The following CPLX4 variants were observed in gnomAD, a reference collection of about 807,000 sequenced individuals.
The protein encoded by CPLX4 is complexin-4.
A neutral mutation model predicts 16.1 loss-of-function variants in CPLX4; 17 were observed. The observed-to-expected ratio is 1.06, with a 90% confidence interval of 0.72 to 1.59. The LOEUF (loss-of-function observed/expected upper bound fraction) is 1.59. Ranked by LOEUF, CPLX4 falls within the 40% of genes most tolerant of loss-of-function variation. CPLX4 has a pLI of 0.00. For missense variants in CPLX4, 193 were observed against 192.9 expected (o/e 1.00, Z 0.00); for synonymous variants, 55 against 57.8 (o/e 0.95, Z 0.22).
intron 2 of CPLX4, among the ~76,000 whole-genome samples, chr18:59,306,386 T>C (rs1375545147): frequency 2.6e-5 from 4 of 152,238 alleles, no homozygotes; most frequent in South Asian, 2.1e-4. Context: ...TAGATACATA[T>C]ACATATACAT....
At chr18:59,312,422 C>T (rs974360720) in intron 2 of CPLX4, among the ~76,000 whole-genome samples, 4 of 138,858 alleles carry the variant, frequency 2.9e-5, no homozygotes, top group Non-Finnish European at 6.2e-5. Flanking sequence ...TATATATATC[C>T]TGAATATGTG....
intron 2 of CPLX4, among the ~76,000 whole-genome samples, chr18:59,311,666 T>C (rs1211943829): frequency 6.6e-6 from 1 of 152,150 alleles, no homozygotes; most frequent in Non-Finnish European, 1.5e-5. Flanking sequence ...TGAAATTGAA[T>C]AACCAGCTCA....
At chr18:59,309,351 A>C (rs769256192) in intron 2 of CPLX4, among the ~76,000 whole-genome samples, 1 of 152,238 alleles carries the variant, frequency 6.6e-6, no homozygotes, top group Non-Finnish European at 1.5e-5. Context: ...TGGTGTGTAC[A>C]ATGTTCTCAA....
chr18:59,303,664 G>C lies in CPLX4; in HGVS notation c.256-6739C>G, dbSNP rs143003590. On this transcript the variant is annotated intron_variant, in intron 2 of 2. Coordinates refer to ENST00000299721, the MANE Select transcript of CPLX4 (RefSeq NM_181654.4). Reference sequence around the variant, plus strand: ...AGCAGGCGTTCTCATCTGTAAAGGCGAAGTGATATCTACCTACCTCACAGG... The same window carrying C: ...AGCAGGCGTTCTCATCTGTAAAGGCCAAGTGATATCTACCTACCTCACAGG... 1.0e-3 allele frequency among the ~76,000 whole-genome samples: 158 copies of C among 152,270 alleles called. 3 individuals carry two copies. The East Asian group carries it at 0.027, about 26-fold the overall frequency.
Position 59,296,664 on chromosome 18 carries a change from A to T in CPLX4, c.*34T>A. On this transcript the variant is annotated 3_prime_UTR_variant, in exon 3 of 3. Coordinates refer to ENST00000299721, the MANE Select transcript of CPLX4 (RefSeq NM_181654.4). ...CACAAGAGAGTGGTCTTTTCCAAGGATGGCTGGTTCCCTCCCTCCACCCCT... is the reference window on the plus strand; with the variant it reads ...CACAAGAGAGTGGTCTTTTCCAAGGTTGGCTGGTTCCCTCCCTCCACCCCT... 1.2e-6 allele frequency: 2 copies of T among 1,607,062 alleles called. No individual in the cohort carries two copies. Among genetic ancestry groups the T allele is most frequent in the Non-Finnish European group, 1.7e-6 (2 of 1,175,432 alleles).
chr18:59,300,872 G>A (rs1283862184), intron 2 of CPLX4, among the ~76,000 whole-genome samples: 1 of 152,202 alleles, frequency 6.6e-6, no homozygotes, highest in Admixed American at 6.5e-5. Context: ...TTTCTAACAA[G>A]CCAGGCTTAG....
At chr18:59,307,753 A>ATTTTTTTTTTTTT (rs527371314) in intron 2 of CPLX4, among the ~76,000 whole-genome samples, 3 of 130,930 alleles carry the variant, frequency 2.3e-5, no homozygotes, top group Admixed American at 8.2e-5. Context: ...TGTTTTTCTG[A>ATTTTTTTTTTTTT]TTTTTTTTTT....
intron 2 of CPLX4, among the ~76,000 whole-genome samples, chr18:59,307,155 T>A (rs985944820): frequency 3.9e-5 from 6 of 152,194 alleles, no homozygotes; most frequent in African/African-American, 1.4e-4. Flanking sequence ...AAGTCCTGGA[T>A]GAAGAGTAAG....
At chr18:59,307,334 G>A (rs897862593) in intron 2 of CPLX4, among the ~76,000 whole-genome samples, 3 of 152,190 alleles carry the variant, frequency 2.0e-5, no homozygotes, top group East Asian at 1.9e-4. Context: ...CACTGGTGTC[G>A]AGGAGCCAAA....
chr18:59,307,584 C>G (rs1265311550), intron 2 of CPLX4, among the ~76,000 whole-genome samples: 2 of 152,120 alleles, frequency 1.3e-5, no homozygotes, highest in African/African-American at 4.8e-5. Flanking sequence ...GCCTGCCTCT[C>G]CTCTCCTTCC....
intron 2 of CPLX4, among the ~76,000 whole-genome samples, chr18:59,307,979 TG>T (rs1326522425): frequency 6.6e-6 from 1 of 151,768 alleles, no homozygotes; most frequent in Non-Finnish European, 1.5e-5. Context: ...GGTTTCACCA[TG>T]TTGGCCAGGC....
chr18:59,306,059 G>GGAAGAA, intron 2 of CPLX4, among the ~76,000 whole-genome samples: 1 of 150,486 alleles, frequency 6.6e-6, no homozygotes, highest in East Asian at 2.3e-4. Context: ...CTGAACATCT[G>GGAAGAA]GAAGAAGAAG....
intron 2 of CPLX4, among the ~76,000 whole-genome samples, chr18:59,311,935 C>G (rs1189319910): frequency 1.3e-5 from 2 of 152,188 alleles, no homozygotes; most frequent in African/African-American, 2.4e-5. Context: ...TGATGACTGT[C>G]ACTACTACAT....
intron 2 of CPLX4, among the ~76,000 whole-genome samples, chr18:59,309,863 A>C (rs1166782730): frequency 6.6e-6 from 1 of 151,542 alleles, no homozygotes; most frequent in Non-Finnish European, 1.5e-5. Flanking sequence ...AAAAGAGTAG[A>C]AAGAACAAAT....
intron 1 of CPLX4, among the ~76,000 whole-genome samples, chr18:59,313,190 G>A (rs1282192698): frequency 1.3e-5 from 2 of 152,152 alleles, no homozygotes; most frequent in Non-Finnish European, 2.9e-5. Context: ...TACATTTTTA[G>A]CAAGCTCCCC....
chr18:59,308,774 G>A (rs1042904162), intron 2 of CPLX4, among the ~76,000 whole-genome samples: 2 of 152,158 alleles, frequency 1.3e-5, no homozygotes, highest in African/African-American at 4.8e-5. Context: ...CATAGCCTGG[G>A]CAGACGTTAG....
At chr18:59,317,377 A>G (rs1005377111) in intron 1 of CPLX4, among the ~76,000 whole-genome samples, 3 of 152,188 alleles carry the variant, frequency 2.0e-5, no homozygotes, top group Admixed American at 6.5e-5. Flanking sequence ...TCTTAATTCT[A>G]CCTTAAACAT....
At chr18:59,304,800 G>A (rs923556840) in intron 2 of CPLX4, among the ~76,000 whole-genome samples, 1 of 152,160 alleles carries the variant, frequency 6.6e-6, no homozygotes, top group Non-Finnish European at 1.5e-5. Flanking sequence ...TCGATCTCCT[G>A]ACCTCGTGAT....
chr18:59,310,496 G>A (rs972167122), intron 2 of CPLX4, among the ~76,000 whole-genome samples: 1 of 152,168 alleles, frequency 6.6e-6, no homozygotes. Flanking sequence ...TACCATTAGT[G>A]GAGAAACAGA....
Sources: allele counts gnomAD v4.1 joint callset (sites outside exome capture counted in the v4.1 genomes callset), GRCh38; gene constraint gnomAD v4.1.1; transcripts MANE v1.5; gene names NCBI Gene and HGNC (gene_info 2026-07-23, HGNC 2026-07-21).